NPAS3: variants seen among roughly 807,000 people sequenced by gnomAD.
The protein encoded by NPAS3 is neuronal PAS domain-containing protein 3.
NPAS3 carries 14 observed loss-of-function variants against 73.1 expected under a neutral mutation model. The ratio of observed to expected loss-of-function variants is 0.19; its 90% CI spans 0.13 to 0.30. NPAS3 has a LOEUF of 0.30. Among genes scored for constraint, NPAS3 ranks in the 10% least tolerant of loss-of-function variants. NPAS3 has a pLI of 1.00. For synonymous variants in NPAS3, 620 were observed against 541.5 expected (o/e 1.14, Z -2.01); for missense variants, 1,096 against 1,250.0 (o/e 0.88, Z 1.86).
intron 2 of NPAS3, among the ~76,000 whole-genome samples, chr14:33,211,213 A>T (rs1008916769): frequency 1.3e-5 from 2 of 152,260 alleles, no homozygotes; most frequent in African/African-American, 2.4e-5. Context: ...AAATGTACAT[A>T]ATTAGTAAAT....
At chr14:33,200,648 C>G (rs2046579006) in intron 2 of NPAS3, among the ~76,000 whole-genome samples, 1 of 152,082 alleles carries the variant, frequency 6.6e-6, no homozygotes, top group Non-Finnish European at 1.5e-5. Flanking sequence ...AAATAAGATG[C>G]CAGTGCTTTC....
At chr14:33,452,658 C>T (rs866422553) in intron 4 of NPAS3, among the ~76,000 whole-genome samples, 4 of 151,638 alleles carry the variant, frequency 2.6e-5, no homozygotes, top group Admixed American at 2.6e-4. Context: ...GCCTGTAGTC[C>T]CAACTACTCT....
chr14:32,979,938 G>A (rs542874256), intron 1 of NPAS3, among the ~76,000 whole-genome samples: 17 of 152,236 alleles, frequency 1.1e-4, no homozygotes, highest in African/African-American at 4.1e-4. Flanking sequence ...TTAGTTTTAG[G>A]ATTATGTCAA....
At chr14:33,316,976 G>A (rs889430126) in intron 3 of NPAS3, among the ~76,000 whole-genome samples, 2 of 152,080 alleles carry the variant, frequency 1.3e-5, no homozygotes, top group Non-Finnish European at 2.9e-5. Flanking sequence ...CACTTCTAAA[G>A]TTCCTTCTAA....
intron 9 of NPAS3, among the ~76,000 whole-genome samples, chr14:33,789,677 C>G (rs1057117694): frequency 7.1e-6 from 1 of 141,112 alleles, no homozygotes; most frequent in Non-Finnish European, 1.5e-5. Flanking sequence ...CAAGCTCCGC[C>G]TCCCGGGTTC....
At chr14:33,104,687 C>A (rs992399850) in intron 2 of NPAS3, among the ~76,000 whole-genome samples, 1 of 152,148 alleles carries the variant, frequency 6.6e-6, no homozygotes, top group African/African-American at 2.4e-5. Context: ...GGAAGCAGTG[C>A]ATAGCCGTAA....
chr14:33,413,036 T>G (rs934557424), intron 4 of NPAS3, among the ~76,000 whole-genome samples: 9 of 152,108 alleles, frequency 5.9e-5, no homozygotes. Context: ...GCAAAGGCAG[T>G]TCGTACAACA....
chr14:33,065,488 C>T (rs981215630), intron 2 of NPAS3, among the ~76,000 whole-genome samples: 5 of 151,906 alleles, frequency 3.3e-5, no homozygotes, highest in East Asian at 1.9e-4. Context: ...CTGGGTCCTT[C>T]GAGGATTTTG....
intron 1 of NPAS3, among the ~76,000 whole-genome samples, chr14:33,025,138 A>G (rs2039756599): frequency 6.6e-6 from 1 of 152,234 alleles, no homozygotes; most frequent in Non-Finnish European, 1.5e-5. Context: ...GCTACTGCAC[A>G]GGTACAGTGA....
intron 2 of NPAS3, among the ~76,000 whole-genome samples, chr14:33,163,643 T>C (rs2045001879): frequency 7.4e-6 from 1 of 135,070 alleles, no homozygotes; most frequent in East Asian, 2.4e-4. Context: ...TTTTTTTTTT[T>C]CAAATTTGCA....
At chr14:33,595,959 T>C (rs2057230678) in intron 5 of NPAS3, among the ~76,000 whole-genome samples, 1 of 152,218 alleles carries the variant, frequency 6.6e-6, no homozygotes, top group Non-Finnish European at 1.5e-5. Context: ...GACTCCAACA[T>C]TGAATCCTAT....
chr14:33,354,052 A>G (rs2045212635), intron 3 of NPAS3, among the ~76,000 whole-genome samples: 1 of 152,140 alleles, frequency 6.6e-6, no homozygotes, highest in South Asian at 2.1e-4. Context: ...TGTGTTGCTT[A>G]TTTCTCAGCT....
At chr14:33,432,151 A>T (rs988068961) in intron 4 of NPAS3, among the ~76,000 whole-genome samples, 1 of 152,132 alleles carries the variant, frequency 6.6e-6, no homozygotes, top group Non-Finnish European at 1.5e-5. Flanking sequence ...CCACCCCTCC[A>T]CTGGGCAGAA....
chr14:33,582,389 A>C lies in NPAS3; in HGVS notation c.558+22179A>C, dbSNP rs184740080. 1.9e-3 allele frequency among the ~76,000 whole-genome samples: 294 copies of C among 152,304 alleles called. 1 individual carries two copies. The highest frequency in any genetic ancestry group is 6.7e-3 in the African/African-American group (278 of 41,572). ...TGAAGAGCACGTGCCCAGGAGGCTG[A>C]TTTGTAGAGAAGCAATGTGGTTTTT... On this transcript the variant is annotated intron_variant, in intron 5 of 11. Coordinates refer to ENST00000356141, the Ensembl canonical transcript of NPAS3.
intron 6 of NPAS3, among the ~76,000 whole-genome samples, chr14:33,721,152 T>C (rs749777897): frequency 2.7e-4 from 41 of 152,304 alleles, no homozygotes; most frequent in Non-Finnish European, 4.6e-4. Context: ...TTAAAGTAAG[T>C]GAATTCTTTT....
At chr14:33,064,410 T>A (rs537349604) in intron 2 of NPAS3, among the ~76,000 whole-genome samples, 41 of 152,308 alleles carry the variant, frequency 2.7e-4, no homozygotes, top group African/African-American at 8.2e-4. Flanking sequence ...TATTTCCATA[T>A]GTTTTTCTGT....
chr14:33,680,497 G>GT (rs1310706635), intron 6 of NPAS3: 27 of 669,922 alleles, frequency 4.0e-5, no homozygotes, highest in East Asian at 1.6e-4. Context: ...GTTTGGTGGG[G>GT]TTTTTTGTAT....
chr14:33,383,123 A>G (rs1380680989), intron 4 of NPAS3, among the ~76,000 whole-genome samples: 2 of 149,308 alleles, frequency 1.3e-5, no homozygotes, highest in African/African-American at 4.9e-5. Context: ...ATCACCTTTT[A>G]GATATACATG....
At position 33,667,008 on chromosome 14, in the gene NPAS3, G is replaced by A. The variant is rs557516201; in HGVS notation, c.559-9203G>A. On this transcript the variant is annotated intron_variant, in intron 5 of 11. Transcript: ENST00000356141. ...GTAATTTTAAATTTTTCTAGTAGCC[G>A]CATTTTAAAAAGTAAAAACAAGTGA... 1.0e-3 allele frequency among the ~76,000 whole-genome samples: 153 copies of A among 152,120 alleles called. 1 individual carries two copies. The Middle Eastern group carries it at 0.01, about 10-fold the overall frequency.
Sources: allele counts gnomAD v4.1 joint callset (sites outside exome capture counted in the v4.1 genomes callset), GRCh38; gene constraint gnomAD v4.1.1; transcripts MANE v1.5; gene names NCBI Gene and HGNC (gene_info 2026-07-23, HGNC 2026-07-21).